TBC1D32: variants seen among roughly 807,000 people sequenced by gnomAD.
TBC1D32 encodes protein broad-minded.
Under a neutral mutation model 170.3 loss-of-function variants are expected in TBC1D32, and 151 were observed. That is an observed-to-expected ratio of 0.89 (90% CI 0.78 to 1.01). The LOEUF is 1.01. Among genes scored for constraint, TBC1D32 ranks in the 50% least tolerant of loss-of-function variants. The probability of loss-of-function intolerance (pLI) is 0.00; values close to 1 mark genes in which losing one functional copy is unlikely to be tolerated. For missense variants in TBC1D32, 1,464 were observed against 1,457.1 expected (o/e 1.00, Z -0.08); for synonymous variants, 498 against 488.0 (o/e 1.02, Z -0.27).
chr6:121,109,991 C>T (rs1161901545), intron 29 of TBC1D32, among the ~76,000 whole-genome samples: 3 of 151,938 alleles, frequency 2.0e-5, no homozygotes, highest in South Asian at 2.1e-4. Flanking sequence ...GTGGCTCATG[C>T]CTGTAATCCC....
chr6:121,123,455 T>C (rs931524888), intron 26 of TBC1D32, among the ~76,000 whole-genome samples: 1 of 152,144 alleles, frequency 6.6e-6, no homozygotes, highest in African/African-American at 2.4e-5. Flanking sequence ...TTATATCCTC[T>C]CACTGAAGTG....
chr6:121,123,107 G>C (rs1326989309), intron 26 of TBC1D32, among the ~76,000 whole-genome samples: 1 of 152,048 alleles, frequency 6.6e-6, no homozygotes, highest in South Asian at 2.1e-4. Flanking sequence ...AACTTCTCTT[G>C]TTACAGATCT....
intron 21 of TBC1D32, among the ~76,000 whole-genome samples, chr6:121,222,361 A>G (rs560338936): frequency 1.3e-5 from 2 of 152,320 alleles, no homozygotes; most frequent in African/African-American, 4.8e-5. Flanking sequence ...GTACTTAAGA[A>G]GTGCCAACAT....
At chr6:121,222,835 T>C (rs557628123) in intron 21 of TBC1D32, among the ~76,000 whole-genome samples, 95 of 152,322 alleles carry the variant, frequency 6.2e-4, no homozygotes, top group African/African-American at 1.8e-3. Flanking sequence ...GGCAATAATA[T>C]GTAGTTCATT....
intron 10 of TBC1D32, among the ~76,000 whole-genome samples, chr6:121,297,755 A>T (rs1037814952): frequency 2.0e-5 from 3 of 152,118 alleles, no homozygotes; most frequent in Non-Finnish European, 4.4e-5. Context: ...TTTAAATTTA[A>T]ATTAATAAAA....
chr6:121,109,080 C>A (rs1330978720), intron 29 of TBC1D32, among the ~76,000 whole-genome samples: 1 of 152,140 alleles, frequency 6.6e-6, no homozygotes, highest in Admixed American at 6.5e-5. Flanking sequence ...AGGGGTTTTA[C>A]ACTAGACATC....
chr6:121,296,637 T>C (rs1805683007), intron 10 of TBC1D32, among the ~76,000 whole-genome samples: 1 of 152,126 alleles, frequency 6.6e-6, no homozygotes, highest in South Asian at 2.1e-4. Flanking sequence ...CCCAATTCTG[T>C]CTTATCCTTC....
chr6:121,195,293 C>T (rs998691988), intron 22 of TBC1D32, among the ~76,000 whole-genome samples: 1 of 152,164 alleles, frequency 6.6e-6, no homozygotes, highest in African/African-American at 2.4e-5. Context: ...GATAGGGATG[C>T]TGTTTGGAGC....
intron 26 of TBC1D32, 110 bp downstream of exon 26, chr6:121,126,268 G>C: frequency 1.4e-6 from 1 of 726,666 alleles, no homozygotes; most frequent in Non-Finnish European, 2.3e-6. Context: ...CACCAAGTAA[G>C]AGATTGTTAG....
intron 21 of TBC1D32, among the ~76,000 whole-genome samples, chr6:121,208,641 G>A (rs1428034750): frequency 2.8e-5 from 4 of 142,346 alleles, no homozygotes; most frequent in African/African-American, 7.5e-5. Context: ...GAAAAACAGA[G>A]GGAGATTTAA....
intron 14 of TBC1D32, among the ~76,000 whole-genome samples, chr6:121,280,608 T>C (rs929231300): frequency 2.0e-5 from 3 of 151,862 alleles, no homozygotes; most frequent in Non-Finnish European, 4.4e-5. Flanking sequence ...GAATTTTTCA[T>C]ATGGACCAAG....
At chr6:121,281,799 A>C in intron 13 of TBC1D32, 113 bp from the exon 14 acceptor site, 1 of 709,074 alleles carries the variant, frequency 1.4e-6, no homozygotes, top group Non-Finnish European at 2.2e-6. Flanking sequence ...AGTACTTCAA[A>C]AGTCATACAA....
At chr6:121,172,167 G>T (rs1485587210) in intron 22 of TBC1D32, among the ~76,000 whole-genome samples, 1 of 152,012 alleles carries the variant, frequency 6.6e-6, no homozygotes, top group Non-Finnish European at 1.5e-5. Flanking sequence ...ATGATTATGA[G>T]GCCTCCCCAG....
chr6:121,123,713 T>G (rs1780525713), intron 26 of TBC1D32, among the ~76,000 whole-genome samples: 1 of 152,038 alleles, frequency 6.6e-6, no homozygotes, highest in South Asian at 2.1e-4. Context: ...AATAGAAAAA[T>G]TCAGTCTGTT....
intron 24 of TBC1D32, among the ~76,000 whole-genome samples, chr6:121,143,468 A>T (rs1237641402): frequency 6.6e-6 from 1 of 152,210 alleles, no homozygotes; most frequent in Non-Finnish European, 1.5e-5. Context: ...AACAGATGAG[A>T]TGCTAACTGT....
At chr6:121,195,470 C>A (rs115804057) in intron 22 of TBC1D32, among the ~76,000 whole-genome samples, 1,583 of 152,242 alleles carry the variant, frequency 0.01, 28 homozygotes, top group African/African-American at 0.037. Flanking sequence ...CACCATGTGA[C>A]CTGAACTGCC....
At chr6:121,249,842 A>G (rs1798068828) in intron 17 of TBC1D32, among the ~76,000 whole-genome samples, 1 of 152,162 alleles carries the variant, frequency 6.6e-6, no homozygotes, top group African/African-American at 2.4e-5. Context: ...GATGACACAA[A>G]CAAATGAAAA....
At chr6:121,115,028 A>C in intron 27 of TBC1D32, 144 bp downstream of exon 27, 2 of 530,418 alleles carry the variant, frequency 3.8e-6, no homozygotes, top group South Asian at 5.6e-5. Context: ...ATATCCTCAA[A>C]AACAAAGTCA....
At chr6:121,318,078 C>G (rs964733209) in intron 2 of TBC1D32, among the ~76,000 whole-genome samples, 1 of 150,408 alleles carries the variant, frequency 6.6e-6, no homozygotes, top group African/African-American at 2.5e-5. Flanking sequence ...TCTTTCTCCA[C>G]CCCCCTATCC....
Sources: allele counts gnomAD v4.1 joint callset (sites outside exome capture counted in the v4.1 genomes callset), GRCh38; gene constraint gnomAD v4.1.1; transcripts MANE v1.5; gene names NCBI Gene and HGNC (gene_info 2026-07-23, HGNC 2026-07-21).